TAOK3: variants seen among roughly 807,000 people sequenced by gnomAD.
TAOK3 encodes the protein TAO kinase 3.
Under a neutral mutation model 120.4 loss-of-function variants are expected in TAOK3, and 40 were observed. The observed-to-expected ratio is 0.33, with a 90% CI of 0.26 to 0.43. The LOEUF is 0.43. Among genes scored for constraint, TAOK3 ranks in the 20% least tolerant of loss-of-function variants. TAOK3 has a pLI of 1.00. For missense variants in TAOK3, 821 were observed against 1,112.1 expected (o/e 0.74, Z 3.72); for synonymous variants, 355 against 387.5 (o/e 0.92, Z 0.99).
At chr12:118,320,687 A>C (rs2043667303) in intron 1 of TAOK3, among the ~76,000 whole-genome samples, 1 of 152,192 alleles carries the variant, frequency 6.6e-6, no homozygotes, top group Non-Finnish European at 1.5e-5. Context: ...CAGTTAGCAC[A>C]CTGCTTTATA....
In TAOK3 at chr12:118,230,894, T is replaced by C. The variant is rs147877744; in HGVS notation, c.643+2780A>G. Among the ~76,000 whole-genome samples, 1,311 of 152,122 alleles carry C rather than the reference T, an allele frequency of 8.6e-3. 11 individuals carry two copies. Among genetic ancestry groups the C allele is most frequent in the African/African-American group, 0.029 (1,207 of 41,492 alleles). The stretch of plus-strand genomic sequence containing the variant: ...TAACTTTGATCAATTTCCTTTGGAG[T>C]GAAATAAACAGTAGTACCATATTAT... On this transcript the variant is annotated intron_variant, in intron 9 of 20. Coordinates refer to ENST00000392533, the MANE Select transcript of TAOK3 (RefSeq NM_016281.4).
chr12:118,227,678 T>C (rs771538620), intron 9 of TAOK3, among the ~76,000 whole-genome samples: 57 of 152,206 alleles, frequency 3.7e-4, no homozygotes, highest in Non-Finnish European at 6.6e-4. Context: ...AAATGATCCA[T>C]GATCACACAG....
intron 1 of TAOK3, among the ~76,000 whole-genome samples, chr12:118,291,434 T>G (rs532536983): frequency 6.6e-6 from 1 of 152,308 alleles, no homozygotes; most frequent in South Asian, 2.1e-4. Flanking sequence ...GTGCTGGGAT[T>G]ACAGGTGTGA....
chr12:118,212,556 A>C (rs353888), intron 11 of TAOK3, among the ~76,000 whole-genome samples: 3 of 152,020 alleles, frequency 2.0e-5, no homozygotes, highest in Non-Finnish European at 2.9e-5. Flanking sequence ...TTGAACCACC[A>C]GCCAGCTCTG....
intron 1 of TAOK3, chr12:118,359,849 C>T (rs2045531117): frequency 6.6e-6 from 1 of 152,044 alleles, no homozygotes; most frequent in Non-Finnish European, 1.5e-5. Flanking sequence ...ACAGAACTAC[C>T]TTGGGCTAAT....
intron 1 of TAOK3, among the ~76,000 whole-genome samples, chr12:118,309,218 A>G (rs979903127): frequency 4.6e-5 from 7 of 151,238 alleles, no homozygotes; most frequent in Non-Finnish European, 8.8e-5. Context: ...AATCCCAGCT[A>G]CTTGGGAGGC....
intron 13 of TAOK3, among the ~76,000 whole-genome samples, chr12:118,195,540 C>T (rs2037671492): frequency 1.3e-5 from 2 of 152,048 alleles, no homozygotes; most frequent in Admixed American, 1.3e-4. Flanking sequence ...ATTTAGTTCA[C>T]AGAACATTTG....
At chr12:118,222,740 T>C (rs1237958095) in intron 9 of TAOK3, among the ~76,000 whole-genome samples, 1 of 151,994 alleles carries the variant, frequency 6.6e-6, no homozygotes, top group African/African-American at 2.4e-5. Context: ...CACAAAGGCA[T>C]ACAGAGGGAT....
Position 118,335,024 on chromosome 12 carries a change from C to CA in TAOK3, c.-194+37623dup, listed in dbSNP as rs549808254. 1.7e-3 allele frequency among the ~76,000 whole-genome samples: 258 copies of CA among 151,668 alleles called. 1 individual carries two copies. Among genetic ancestry groups the CA allele is most frequent in the African/African-American group, 6.1e-3 (254 of 41,332 alleles). On this transcript the variant is annotated intron_variant, in intron 1 of 20. Coordinates refer to ENST00000392533, the MANE Select transcript of TAOK3 (RefSeq NM_016281.4). ...TGAAACCCCAACTCTACTAAAAATA[C>CA]AAAAAAGTAGCCAGGCATGGTGTGG...
intron 13 of TAOK3, among the ~76,000 whole-genome samples, chr12:118,190,761 T>C (rs1477439475): frequency 6.6e-6 from 1 of 152,078 alleles, no homozygotes; most frequent in Non-Finnish European, 1.5e-5. Flanking sequence ...AGTGAAAAAA[T>C]AGCATTCCCT....
chr12:118,228,514 A>G (rs2039616189), intron 9 of TAOK3, among the ~76,000 whole-genome samples: 1 of 152,124 alleles, frequency 6.6e-6, no homozygotes, highest in African/African-American at 2.4e-5. Flanking sequence ...CTGGCATCAA[A>G]CCATCCTTGT....
At chr12:118,187,333 C>T (rs535966710) in intron 14 of TAOK3, among the ~76,000 whole-genome samples, 43 of 152,236 alleles carry the variant, frequency 2.8e-4, no homozygotes, top group Admixed American at 2.6e-3. Context: ...CATGATCTTG[C>T]TCTTACTTTT....
intron 2 of TAOK3, among the ~76,000 whole-genome samples, chr12:118,264,274 G>C (rs2140248164): frequency 6.6e-6 from 1 of 152,298 alleles, no homozygotes; most frequent in South Asian, 2.1e-4. Context: ...ACAAAGCCAT[G>C]TATACAAATG....
At chr12:118,168,663 A>G (rs904178266) in intron 17 of TAOK3, among the ~76,000 whole-genome samples, 8 of 152,210 alleles carry the variant, frequency 5.3e-5, no homozygotes, top group African/African-American at 1.9e-4. Flanking sequence ...GACTTTTAAG[A>G]AAAATACTCT....
At position 118,199,346 on chromosome 12, in the gene TAOK3, C is replaced by T. The variant is rs192488251; in HGVS notation, c.988-89G>A. The T allele has an allele frequency of 1.8e-3, 1,881 of 1,064,510 alleles. 5 individuals are homozygous for T. Among genetic ancestry groups the T allele is most frequent in the South Asian group, 2.6e-3 (191 of 73,516 alleles). 65.9% of individuals were successfully genotyped at this position (1,064,510 alleles called of 1,614,324 possible). On this transcript the variant is annotated intron_variant, in intron 12 of 20. Transcript: ENST00000392533. Reference sequence around the variant, plus strand: ...AAAGTGTCAAGCACACTCAATTTTGCAGTGTCAAGTTGCTTTTCTGCCAAT... The same window carrying T: ...AAAGTGTCAAGCACACTCAATTTTGTAGTGTCAAGTTGCTTTTCTGCCAAT...
chr12:118,321,367 C>T (rs2043697591), intron 1 of TAOK3, among the ~76,000 whole-genome samples: 1 of 152,044 alleles, frequency 6.6e-6, no homozygotes, highest in Admixed American at 6.6e-5. Flanking sequence ...CTCAAGCTAT[C>T]CTCCCACCTC....
intron 2 of TAOK3, among the ~76,000 whole-genome samples, chr12:118,261,107 A>T (rs904465971): frequency 6.6e-6 from 1 of 152,198 alleles, no homozygotes; most frequent in African/African-American, 2.4e-5. Flanking sequence ...AACAACAGGA[A>T]CTATCCAAAA....
intron 1 of TAOK3, among the ~76,000 whole-genome samples, chr12:118,289,972 C>T (rs2042412155): frequency 7.0e-6 from 1 of 143,036 alleles, no homozygotes; most frequent in Non-Finnish European, 1.5e-5. Context: ...CCAGCCTGGG[C>T]AAAAACAGTG....
intron 1 of TAOK3, among the ~76,000 whole-genome samples, chr12:118,308,514 C>G (rs1205909540): frequency 1.3e-5 from 2 of 152,078 alleles, no homozygotes; most frequent in Non-Finnish European, 2.9e-5. Flanking sequence ...TATTATTATT[C>G]TGATTTTTAT....
Sources: allele counts gnomAD v4.1 joint callset (sites outside exome capture counted in the v4.1 genomes callset), GRCh38; gene constraint gnomAD v4.1.1; transcripts MANE v1.5; gene names NCBI Gene and HGNC (gene_info 2026-07-23, HGNC 2026-07-21).